Variants in TRIM24 observed in about 807,000 individuals in gnomAD.
The protein encoded by TRIM24 is transcription intermediary factor 1-alpha.
A neutral mutation model predicts 123.9 loss-of-function variants in TRIM24; 29 were observed. The observed-to-expected ratio is 0.23, with a 90% CI of 0.17 to 0.32. The LOEUF is 0.32. Among genes scored for constraint, TRIM24 ranks in the 10% least tolerant of loss-of-function variants. The pLI is 1.00. For missense variants in TRIM24, 932 were observed against 1,295.3 expected (o/e 0.72, Z 4.31); for synonymous variants, 456 against 461.1 (o/e 0.99, Z 0.14).
Position 138,478,747 on chromosome 7 carries a change from G to T in TRIM24, c.364+17835G>T, listed in dbSNP as rs117651855. Reference sequence around the variant, plus strand: ...GGCAGGAGAGGGAAACTTTGATAAGGTGTTCTTGGCATCAAGACAGTAGAA... The same window carrying T: ...GGCAGGAGAGGGAAACTTTGATAAGTTGTTCTTGGCATCAAGACAGTAGAA... On this transcript the variant is annotated intron_variant, in intron 1 of 18. Coordinates refer to ENST00000343526, the MANE Select transcript of TRIM24 (RefSeq NM_015905.3). Among the ~76,000 whole-genome samples, 45 of 152,280 alleles carry T rather than the reference G, an allele frequency of 3.0e-4. No individual in the cohort carries two copies. In the East Asian group the frequency reaches 7.5e-3, roughly 25 times the overall value.
chr7:138,508,709 G>GTGC (rs1563038908), intron 2 of TRIM24, among the ~76,000 whole-genome samples: 2 of 18,014 alleles, frequency 1.1e-4, no homozygotes, highest in African/African-American at 3.2e-4. Context: ...GCGTGTGTGC[G>GTGC]TGTGTGTGTG....
chr7:138,549,894 G>A (rs555758552), intron 7 of TRIM24, among the ~76,000 whole-genome samples: 2 of 152,204 alleles, frequency 1.3e-5, no homozygotes, highest in Non-Finnish European at 2.9e-5. Context: ...AAACATGGAC[G>A]TTTCATCATC....
chr7:138,469,642 T>A (rs1292509593), intron 1 of TRIM24, among the ~76,000 whole-genome samples: 4 of 152,170 alleles, frequency 2.6e-5, no homozygotes, highest in Non-Finnish European at 4.4e-5. Flanking sequence ...CTTAGACCAG[T>A]AGTCTCCAAA....
chr7:138,566,863 A>G (rs1352770593), intron 9 of TRIM24, among the ~76,000 whole-genome samples: 2 of 152,168 alleles, frequency 1.3e-5, no homozygotes, highest in Non-Finnish European at 2.9e-5. Flanking sequence ...TTTTGAGTAC[A>G]CCCACTGAGC....
intron 4 of TRIM24, among the ~76,000 whole-genome samples, chr7:138,522,772 A>G (rs1796530080): frequency 6.6e-6 from 1 of 152,190 alleles, no homozygotes; most frequent in South Asian, 2.1e-4. Flanking sequence ...AATCTGTATA[A>G]GGAGATATAT....
chr7:138,580,731 G>A lies in TRIM24; in HGVS notation c.2718+37G>A, dbSNP rs376927093. On this transcript the variant is annotated intron_variant, in intron 16 of 18. Coordinates refer to ENST00000343526, the MANE Select transcript of TRIM24 (RefSeq NM_015905.3). ...GTAAGATGCATTATTGTATTGTAGTGCAATATTGTACTGTGGTACCTTTTG... is the reference window on the plus strand; with the variant it reads ...GTAAGATGCATTATTGTATTGTAGTACAATATTGTACTGTGGTACCTTTTG... 11 of 1,593,524 alleles carry A rather than the reference G, an allele frequency of 6.9e-6. No homozygotes were observed. The African/African-American group carries it at 1.3e-4, about 19-fold the overall frequency.
intron 1 of TRIM24, among the ~76,000 whole-genome samples, chr7:138,494,948 C>A (rs1337833168): frequency 6.6e-6 from 1 of 152,124 alleles, no homozygotes; most frequent in South Asian, 2.1e-4. Flanking sequence ...GGTTGAGGTA[C>A]ATACCATGTG....
chr7:138,485,018 G>A (rs551644552), intron 1 of TRIM24, among the ~76,000 whole-genome samples: 140 of 151,740 alleles, frequency 9.2e-4, no homozygotes, highest in Middle Eastern at 6.8e-3. Context: ...GTCATCTAAC[G>A]TTATGAATTT....
chr7:138,469,291 T>A (rs1397913273), intron 1 of TRIM24, among the ~76,000 whole-genome samples: 10 of 152,164 alleles, frequency 6.6e-5, no homozygotes, highest in African/African-American at 2.2e-4. Flanking sequence ...CACAAGTTTT[T>A]CAAATTTCTT....
intron 2 of TRIM24, chr7:138,514,273 CATT>C (rs1372512591): frequency 1.3e-5 from 2 of 152,278 alleles, no homozygotes; most frequent in Non-Finnish European, 2.9e-5. Context: ...CCTAGCTTGT[CATT>C]ATACAGAAAC....
chr7:138,515,484 G>T, intron 3 of TRIM24, 125 bp downstream of exon 3: 3 of 1,151,546 alleles, frequency 2.6e-6, no homozygotes, highest in Non-Finnish European at 2.4e-6. Context: ...AAGTAAAAGA[G>T]GTTTATATTA....
intron 1 of TRIM24, among the ~76,000 whole-genome samples, chr7:138,494,897 T>C (rs564642723): frequency 6.6e-6 from 1 of 152,260 alleles, no homozygotes; most frequent in South Asian, 2.1e-4. Context: ...TGAGTCATCA[T>C]TGTAATAGCA....
Position 138,473,337 on chromosome 7 carries a change from TTC to T in TRIM24, c.364+12431_364+12432del, listed in dbSNP as rs776520637. ...ACTTCATTTCAAATTAATGTGTGGT[TTC>T]TCTCTACTTACTGTATGCAGACTGA... On this transcript the variant is annotated intron_variant, in intron 1 of 18. Transcript: ENST00000343526. Among the ~76,000 whole-genome samples, 4 of 152,360 alleles carry T rather than the reference TTC, an allele frequency of 2.6e-5. No individual in the cohort carries two copies. The East Asian group carries it at 5.8e-4, about 22-fold the overall frequency.
At chr7:138,531,246 A>ATGTTACATATGTTTACATG (rs1554439819) in intron 6 of TRIM24, among the ~76,000 whole-genome samples, 1 of 147,082 alleles carries the variant, frequency 6.8e-6, no homozygotes, top group Admixed American at 6.7e-5. Flanking sequence ...TACACGTTAC[A>ATGTTACATATGTTTACATG]TGTTACATAT....
In TRIM24 at chr7:138,551,164, A is replaced by G; in HGVS notation, c.1245A>G (p.Gln415=). 1 of 1,613,386 alleles carries G rather than the reference A, an allele frequency of 6.2e-7. No homozygotes were observed. Among genetic ancestry groups the G allele is most frequent in the Non-Finnish European group, 8.5e-7 (1 of 1,179,346 alleles). Residue 415 remains glutamine, a synonymous_variant, in exon 8 of 19, where the codon CAA becomes CAG. Transcript: ENST00000343526. ...ACTGTGATCCTAGTTTCTGGGCTCAAAATATCATCAACTTAGGTGGGCCAT... is the reference window on the plus strand; with the variant it reads ...ACTGTGATCCTAGTTTCTGGGCTCAGAATATCATCAACTTAGGTGGGCCAT... ...QFHCDPSFWA[Q]NIINLGSLVI...
At chr7:138,524,433 A>G (rs1178336109) in intron 4 of TRIM24, among the ~76,000 whole-genome samples, 1 of 152,174 alleles carries the variant, frequency 6.6e-6, no homozygotes, top group Non-Finnish European at 1.5e-5. Flanking sequence ...AAATGTTATA[A>G]TTCACAGATA....
At chr7:138,500,131 A>T (rs1796004411) in intron 1 of TRIM24, among the ~76,000 whole-genome samples, 1 of 152,236 alleles carries the variant, frequency 6.6e-6, no homozygotes, top group Admixed American at 6.5e-5. Flanking sequence ...AGTGCGAGCC[A>T]TTCCTAGCAC....
chr7:138,589,507 C>T lies in TRIM24; in HGVS notation c.*4556C>T, dbSNP rs1363139548. The T allele has an allele frequency of 6.6e-6, 1 of 152,088 alleles. No individual in the cohort carries two copies. Among genetic ancestry groups the T allele is most frequent in the African/African-American group, 2.4e-5 (1 of 41,404 alleles). The allele number at this position is 152,088 out of a possible 1,614,324, so 9.4% of individuals were successfully genotyped here. A position where few individuals can be genotyped will look rare whatever the true frequency, so the allele number is the denominator to read the frequency against. ...GCTGTAACATTGATCCATATAGGGG[C>T]AAGCTACTAGTCCATAAATAGCTGT... On this transcript the variant is annotated 3_prime_UTR_variant, in exon 19 of 19. Coordinates refer to ENST00000343526, the MANE Select transcript of TRIM24 (RefSeq NM_015905.3).
intron 1 of TRIM24, among the ~76,000 whole-genome samples, chr7:138,466,463 C>CTTTTTT (rs577317171): frequency 0.026 from 1,940 of 73,750 alleles, 393 homozygotes; most frequent in African/African-American, 0.1. Flanking sequence ...ACTTAAGTTG[C>CTTTTTT]TTTTTTTTTT....
Sources: gnomAD v4.1 joint callset for allele counts (sites outside exome capture counted in the v4.1 genomes callset) on GRCh38, gnomAD v4.1.1 for gene constraint, MANE v1.5 for transcripts, NCBI Gene and HGNC (gene_info 2026-07-23, HGNC 2026-07-21) for gene names.